CUL4A: variants seen among roughly 807,000 people sequenced by gnomAD.
The protein encoded by CUL4A is cullin-4A.
Under a neutral mutation model 95.5 loss-of-function variants are expected in CUL4A, and 16 were observed. That is an observed-to-expected ratio of 0.17 (90% confidence interval 0.11 to 0.25). CUL4A has a LOEUF of 0.25. Ranked by LOEUF, CUL4A falls within the 10% of genes least tolerant of loss-of-function variation. The pLI, the probability that CUL4A is intolerant of heterozygous loss-of-function variation, is 1.00. For missense variants in CUL4A, 610 were observed against 937.0 expected, an observed-to-expected ratio of 0.65 and a Z score of 4.56; for synonymous variants, 380 against 353.1, an observed-to-expected ratio of 1.08 and a Z score of -0.85.
chr13:113,221,120 C>T (rs1298228517), intron 3 of CUL4A, among the ~76,000 whole-genome samples: 1 of 152,194 alleles, frequency 6.6e-6, no homozygotes, highest in East Asian at 1.9e-4. Flanking sequence ...GCACCAGAAG[C>T]AGAGCGTGGA....
chr13:113,216,026 G>A (rs1048511976), intron 2 of CUL4A, among the ~76,000 whole-genome samples: 1 of 134,146 alleles, frequency 7.5e-6, no homozygotes, highest in African/African-American at 2.9e-5. Flanking sequence ...TGTGGAGGTC[G>A]TGTGTGACTA....
chr13:113,231,353 A>T (rs1312042358), intron 5 of CUL4A, among the ~76,000 whole-genome samples: 5 of 152,250 alleles, frequency 3.3e-5, no homozygotes, highest in Non-Finnish European at 5.9e-5. Context: ...CTAAGAAAGA[A>T]AGAGTAGAAG....
chr13:113,238,234 A>G (rs1028009463), intron 9 of CUL4A, among the ~76,000 whole-genome samples: 13 of 152,156 alleles, frequency 8.5e-5, no homozygotes, highest in African/African-American at 3.1e-4. Flanking sequence ...GAGCCCAAGA[A>G]TTCACGACCA....
chr13:113,254,697 A>G lies in CUL4A; in HGVS notation c.1757A>G (p.Lys586Arg). ...AVLKAEFKEGKKEFQVSLFQT... is the reference protein window; with the variant it reads ...AVLKAEFKEGRKEFQVSLFQT... ...TGATGAGGCCTTCTCTTCCAGGGGAAGAAGGAATTCCAGGTGTCCCTCTTC... is the reference window on the plus strand; with the variant it reads ...TGATGAGGCCTTCTCTTCCAGGGGAGGAAGGAATTCCAGGTGTCCCTCTTC... The change falls in exon 17 of 20, where the codon AAG becomes AGG. Residue 586 changes from lysine to arginine, a missense_variant. Physicochemically the swap from Lys to Arg is conservative, Grantham distance 26. Transcript: ENST00000375440. 1 of 1,601,876 alleles carries G rather than the reference A, an allele frequency of 6.2e-7. No homozygotes were observed. The highest frequency in any genetic ancestry group is 1.7e-5 in the Admixed American group (1 of 58,606).
chr13:113,258,322 A>G (rs936348131), intron 18 of CUL4A, among the ~76,000 whole-genome samples: 3 of 152,124 alleles, frequency 2.0e-5, no homozygotes, highest in Admixed American at 2.0e-4. Flanking sequence ...AGCTATTCCT[A>G]TAACTTTATT....
intron 2 of CUL4A, among the ~76,000 whole-genome samples, chr13:113,217,193 AATT>A (rs2040725998): frequency 6.6e-6 from 1 of 152,190 alleles, no homozygotes; most frequent in African/African-American, 2.4e-5. Context: ...ACTTTGTAAT[AATT>A]ATGTTTGTGG....
At chr13:113,228,180 A>G in intron 4 of CUL4A, 135 bp downstream of exon 4, 1 of 681,216 alleles carries the variant, frequency 1.5e-6, no homozygotes, top group Non-Finnish European at 2.5e-6. Context: ...GCACGATGAG[A>G]AAAGCAGGGA....
In CUL4A at chr13:113,244,441, C is replaced by T; in HGVS notation, c.1260C>T (p.Gly420=). 2.5e-6 allele frequency: 4 copies of T among 1,613,630 alleles called. No individual in the cohort carries two copies. The highest frequency in any genetic ancestry group is 1.3e-5 in the African/African-American group (1 of 75,006). The stretch of plus-strand genomic sequence containing the variant: ...ATGTGGATTCAAAGTTAAGAGCAGG[C>T]AACAAAGAAGCCACAGACGAGGAGC... The part of the protein sequence containing the change: ...AKHVDSKLRA[G]NKEATDEELE... Residue 420 remains glycine (G), a synonymous_variant, in exon 12 of 20, where the codon GGC becomes GGT. Transcript: ENST00000375440.
chr13:113,232,019 C>T (rs1462325943), intron 5 of CUL4A, among the ~76,000 whole-genome samples: 4 of 56,176 alleles, frequency 7.1e-5, no homozygotes, highest in African/African-American at 1.7e-4. Flanking sequence ...CTGCCACCAC[C>T]ACCACCACCA....
At chr13:113,225,043 T>TTTTTC (rs2041050886) in intron 3 of CUL4A, among the ~76,000 whole-genome samples, 2 of 152,072 alleles carry the variant, frequency 1.3e-5, no homozygotes, top group Admixed American at 6.5e-5. Flanking sequence ...TTTTCTTTTT[T>TTTTTC]TTTTTAGTTA....
chr13:113,246,580 A>G (rs752972601), intron 15 of CUL4A, among the ~76,000 whole-genome samples: 33 of 152,328 alleles, frequency 2.2e-4, no homozygotes, highest in African/African-American at 5.1e-4. Flanking sequence ...GCCTGCAATC[A>G]TGGAAGACTT....
intron 2 of CUL4A, among the ~76,000 whole-genome samples, chr13:113,212,094 T>C (rs550207484): frequency 3.9e-5 from 6 of 152,394 alleles, no homozygotes; most frequent in African/African-American, 1.4e-4. Flanking sequence ...CTTGCCATTC[T>C]ATGTATCTTC....
At chr13:113,213,247 GT>G (rs1289165019) in intron 2 of CUL4A, among the ~76,000 whole-genome samples, 1 of 152,098 alleles carries the variant, frequency 6.6e-6, no homozygotes, top group Non-Finnish European at 1.5e-5. Flanking sequence ...AATTAGCCTA[GT>G]GGGGTGTTGC....
chr13:113,244,242 T>C, intron 11 of CUL4A, 168 bp from the exon 12 acceptor site: 1 of 575,402 alleles, frequency 1.7e-6, no homozygotes, highest in Non-Finnish European at 3.1e-6. Flanking sequence ...AAGTATTTAC[T>C]CTCACTTGAC....
At chr13:113,226,970 C>T (rs149304235) in intron 3 of CUL4A, among the ~76,000 whole-genome samples, 4 of 152,266 alleles carry the variant, frequency 2.6e-5, no homozygotes, top group African/African-American at 4.8e-5. Flanking sequence ...CCTTTTGTCC[C>T]GCCACCTACC....
intron 19 of CUL4A, among the ~76,000 whole-genome samples, chr13:113,261,139 G>A (rs1049695387): frequency 2.0e-5 from 3 of 152,172 alleles, no homozygotes; most frequent in Admixed American, 6.5e-5. Flanking sequence ...CCTACACCGC[G>A]TTTTCCACCA....
At chr13:113,216,354 G>A (rs1204789707) in intron 2 of CUL4A, among the ~76,000 whole-genome samples, 1 of 152,202 alleles carries the variant, frequency 6.6e-6, no homozygotes, top group Non-Finnish European at 1.5e-5. Context: ...ATAAATAGAC[G>A]TGTATTTGAC....
intron 10 of CUL4A, among the ~76,000 whole-genome samples, chr13:113,241,196 A>G (rs1440503768): frequency 6.6e-6 from 1 of 152,216 alleles, no homozygotes; most frequent in Non-Finnish European, 1.5e-5. Flanking sequence ...CCAGTGAGAC[A>G]GTCTTCAGGG....
At chr13:113,246,197 T>C (rs1426792963) in intron 15 of CUL4A, 134 bp downstream of exon 15, 5 of 657,598 alleles carry the variant, frequency 7.6e-6, no homozygotes, top group Non-Finnish European at 2.6e-6. Context: ...AGTGCTCTTA[T>C]GGTCTTTGGA....
Sources: gnomAD v4.1 joint callset for allele counts (sites outside exome capture counted in the v4.1 genomes callset) on GRCh38, gnomAD v4.1.1 for gene constraint, MANE v1.5 for transcripts, NCBI Gene and HGNC (gene_info 2026-07-23, HGNC 2026-07-21) for gene names.